The following TRIQK variants were observed in gnomAD, a reference collection of about 807,000 sequenced individuals.
The protein encoded by TRIQK is triple QxxK/R motif-containing protein.
Under a neutral mutation model 10.8 loss-of-function variants are expected in TRIQK, and 10 were observed. The ratio of observed to expected loss-of-function variants is 0.92; its 90% CI spans 0.57 to 1.57. The LOEUF is 1.57. Among genes scored for constraint, TRIQK ranks in the 40% most tolerant of loss-of-function variants. The pLI is 0.00. For missense variants in TRIQK, 107 were observed against 97.7 expected (o/e 1.09, Z -0.40); for synonymous variants, 33 against 33.7 (o/e 0.98, Z 0.07).
upstream of TRIQK, among the ~76,000 whole-genome samples, chr8:92,969,465 T>C (rs1812852029): frequency 6.6e-6 from 1 of 151,936 alleles, no homozygotes; most frequent in Admixed American, 6.6e-5. Context: ...TTATGACTGT[T>C]CTCAGTGTAT....
chr8:92,901,204 T>C (rs1808917477), intron 3 of TRIQK, among the ~76,000 whole-genome samples: 1 of 152,164 alleles, frequency 6.6e-6, no homozygotes, highest in African/African-American at 2.4e-5. Flanking sequence ...CAAGGATAAT[T>C]TGATTTCTTC....
chr8:92,962,282 T>C (rs1245471039), intron 1 of TRIQK, among the ~76,000 whole-genome samples: 2 of 152,256 alleles, frequency 1.3e-5, no homozygotes, highest in East Asian at 3.9e-4. Flanking sequence ...GTAATATTGT[T>C]TAAGACATTA....
chr8:93,009,638 G>A (rs955777243), intron 1 of TRIQK, among the ~76,000 whole-genome samples: 3 of 151,780 alleles, frequency 2.0e-5, no homozygotes, highest in African/African-American at 7.3e-5. Context: ...TAAAAATGTT[G>A]GCAAGGATGT....
At chr8:92,949,711 G>A (rs541707099) in intron 2 of TRIQK, among the ~76,000 whole-genome samples, 4 of 90,394 alleles carry the variant, frequency 4.4e-5, no homozygotes, top group Admixed American at 1.1e-4. Context: ...GAGAAAGGAA[G>A]GGAGGGAGGG....
intron 1 of TRIQK, among the ~76,000 whole-genome samples, chr8:92,985,210 G>A (rs1040671669): frequency 7.7e-6 from 1 of 129,400 alleles, no homozygotes; most frequent in Admixed American, 7.6e-5. Flanking sequence ...TGGCTTATAT[G>A]TGAGATTATC....
intron 1 of TRIQK, among the ~76,000 whole-genome samples, chr8:92,982,626 T>C (rs1317626765): frequency 6.6e-6 from 1 of 152,038 alleles, no homozygotes; most frequent in Non-Finnish European, 1.5e-5. Flanking sequence ...AATATTTTGC[T>C]ATTGTTAAAT....
At chr8:92,976,889 A>G (rs1812938663) in intron 1 of TRIQK, among the ~76,000 whole-genome samples, 1 of 152,024 alleles carries the variant, frequency 6.6e-6, no homozygotes, top group Non-Finnish European at 1.5e-5. Context: ...ATAGTTAAAG[A>G]AGCTTGATGC....
intron 1 of TRIQK, among the ~76,000 whole-genome samples, chr8:92,997,992 T>C (rs564061952): frequency 2.6e-5 from 4 of 152,078 alleles, no homozygotes; most frequent in African/African-American, 9.6e-5. Context: ...ATTTATTAAT[T>C]ACATTATTGA....
intron 2 of TRIQK, among the ~76,000 whole-genome samples, chr8:92,945,446 G>T (rs1284343537): frequency 1.3e-5 from 2 of 152,080 alleles, no homozygotes; most frequent in Admixed American, 1.3e-4. Context: ...GAAAGTATAG[G>T]GACAGTAACA....
At chr8:92,980,615 T>C (rs1056582169) in intron 1 of TRIQK, among the ~76,000 whole-genome samples, 1 of 152,060 alleles carries the variant, frequency 6.6e-6, no homozygotes, top group Non-Finnish European at 1.5e-5. Context: ...GTTATTCTAC[T>C]ATCACATGAA....
At chr8:92,985,220 CTG>C (rs34545263) in intron 1 of TRIQK, among the ~76,000 whole-genome samples, 102,729 of 151,228 alleles carry the variant, frequency 0.68, 35,236 homozygotes, top group South Asian at 0.78. Flanking sequence ...GTGAGATTAT[CTG>C]TGTGTGTGTG....
intron 2 of TRIQK, among the ~76,000 whole-genome samples, chr8:92,924,863 A>T (rs559596723): frequency 7.1e-4 from 108 of 152,150 alleles, no homozygotes; most frequent in African/African-American, 2.5e-3. Context: ...ATAAAACTGG[A>T]GAGCTAAACA....
intron 1 of TRIQK, among the ~76,000 whole-genome samples, chr8:92,993,943 G>A (rs545378257): frequency 6.6e-6 from 1 of 152,206 alleles, no homozygotes; most frequent in African/African-American, 2.4e-5. Flanking sequence ...GGAGGCAAAG[G>A]TTTCCACCTA....
chr8:92,938,821 T>A (rs1344136653), intron 2 of TRIQK, among the ~76,000 whole-genome samples: 5 of 152,196 alleles, frequency 3.3e-5, no homozygotes, highest in Non-Finnish European at 1.5e-5. Flanking sequence ...ACTCAAAAAT[T>A]ATACTTTTCA....
At chr8:92,983,163 G>A (rs893908106) in intron 1 of TRIQK, among the ~76,000 whole-genome samples, 3 of 151,998 alleles carry the variant, frequency 2.0e-5, no homozygotes, top group African/African-American at 7.2e-5. Context: ...GGACTAAGGA[G>A]ACAGCAGGGT....
intron 1 of TRIQK, among the ~76,000 whole-genome samples, chr8:92,956,504 T>C (rs1227040533): frequency 6.6e-6 from 1 of 151,820 alleles, no homozygotes; most frequent in Non-Finnish European, 1.5e-5. Context: ...TCCTGAATTA[T>C]ACACTTTAAA....
chr8:92,885,105 A>C lies in TRIQK; in HGVS notation c.*1517T>G, dbSNP rs1816406920. 2.3e-6 allele frequency: 1 copy of C among 430,776 alleles called. No homozygotes were observed. Among genetic ancestry groups the C allele is most frequent in the East Asian group, 7.3e-5 (1 of 13,784 alleles). The allele number at this position is 430,776 out of a possible 1,614,324, so 26.7% of individuals were successfully genotyped here. A position where few individuals can be genotyped will look rare whatever the true frequency, so the allele number is the denominator to read the frequency against. ...AGAATCTAGTAAATAACACCGGCTA[A>C]ATTTTGCCCTCAGATGTTTGGCATA... On this transcript the variant is annotated 3_prime_UTR_variant, in exon 5 of 5. Transcript: ENST00000521988.
chr8:92,961,136 C>T (rs1424558397), intron 1 of TRIQK, among the ~76,000 whole-genome samples: 1 of 152,132 alleles, frequency 6.6e-6, no homozygotes, highest in Non-Finnish European at 1.5e-5. Context: ...CTACTGATAA[C>T]CTCTGCCTTG....
chr8:93,015,614 A>G (rs1296693383), intron 1 of TRIQK, among the ~76,000 whole-genome samples: 1 of 152,104 alleles, frequency 6.6e-6, no homozygotes, highest in Admixed American at 6.6e-5. Flanking sequence ...ATCTTTCTTT[A>G]TAACATAAGG....
Sources: gnomAD v4.1 joint callset for allele counts (sites outside exome capture counted in the v4.1 genomes callset) on GRCh38, gnomAD v4.1.1 for gene constraint, MANE v1.5 for transcripts, NCBI Gene and HGNC (gene_info 2026-07-23, HGNC 2026-07-21) for gene names.